The following EML2 variants were observed in gnomAD, a reference collection of about 807,000 sequenced individuals.
EML2 encodes the protein echinoderm microtubule-associated protein-like 2.
EML2 carries 59 observed loss-of-function variants against 84.7 expected under a neutral mutation model. The observed-to-expected ratio is 0.70, with a 90% CI of 0.56 to 0.86. EML2 has a LOEUF of 0.86. EML2 is among the 40% of genes least tolerant of loss of function. EML2 has a pLI of 0.00. For missense variants in EML2, 818 were observed against 855.6 expected (o/e 0.96, Z 0.55); for synonymous variants, 352 against 348.9 (o/e 1.01, Z -0.10).
chr19:45,631,589 G>T (rs973029488), intron 6 of EML2, among the ~76,000 whole-genome samples: 2 of 151,808 alleles, frequency 1.3e-5, no homozygotes, highest in Admixed American at 1.3e-4. Flanking sequence ...TATATTTTTA[G>T]TAGAGATGGG....
chr19:45,645,536 C>T (rs1451767985), upstream of EML2: 2 of 1,186,344 alleles, frequency 1.7e-6, no homozygotes, highest in African/African-American at 1.6e-5. Flanking sequence ...GTCGGGACAC[C>T]GCCTGCCAAG....
intron 3 of EML2, among the ~76,000 whole-genome samples, chr19:45,638,284 C>T (rs1974010270): frequency 6.6e-6 from 1 of 152,204 alleles, no homozygotes; most frequent in African/African-American, 2.4e-5. Flanking sequence ...GGGCTTCCAG[C>T]CATTCCCAAC....
intron 15 of EML2, chr19:45,616,129 A>G (rs1355569722): frequency 1.8e-6 from 1 of 566,774 alleles, no homozygotes; most frequent in African/African-American, 1.9e-5. Context: ...GGAGTTTAGA[A>G]CAGGTGGGCA....
In EML2 at chr19:45,611,708, G is replaced by A. The variant is rs565924355; in HGVS notation, c.1824+1833C>T. Among the ~76,000 whole-genome samples, 9 of 152,098 alleles carry A rather than the reference G, an allele frequency of 5.9e-5. No homozygotes were observed. The South Asian group carries it at 1.2e-3, about 21-fold the overall frequency. On this transcript the variant is annotated intron_variant, in intron 18 of 18. Coordinates refer to ENST00000245925, the MANE Select transcript of EML2 (RefSeq NM_012155.4). ...TCACCATGTTGGCCAGGCTAGTCTC[G>A]AACTGTTGACCTCAGGTGATCCGCC...
At chr19:45,633,397 T>C (rs1027570236) in intron 4 of EML2, among the ~76,000 whole-genome samples, 3 of 151,684 alleles carry the variant, frequency 2.0e-5, no homozygotes, top group African/African-American at 7.3e-5. Context: ...AGCACACTTA[T>C]TTAAGGGGGC....
chr19:45,645,285 G>A (rs772902964), upstream of EML2: 335 of 1,533,406 alleles, frequency 2.2e-4, 1 homozygote, highest in Non-Finnish European at 4.0e-5. Flanking sequence ...TTGCAGTATC[G>A]CAGCAGCGAG....
chr19:45,639,397 C>T lies in EML2; in HGVS notation c.-21G>A. 8.0e-7 allele frequency: 1 copy of T among 1,247,064 alleles called. No individual in the cohort carries two copies. Among genetic ancestry groups the T allele is most frequent in the Non-Finnish European group, 1.0e-6 (1 of 988,156 alleles). The allele number at this position is 1,247,064 out of a possible 1,614,324, so 77.2% of individuals were successfully genotyped here. ...CTCATGGCGGCGGGTGGCGGAGCTT[C>T]GGGGCCGGGGGTGGAGCCGGGACCG... On this transcript the variant is annotated 5_prime_UTR_variant, in exon 1 of 19. Transcript: ENST00000245925.
chr19:45,610,058 C>T (rs1970326765), intron 18 of EML2, among the ~76,000 whole-genome samples: 1 of 152,146 alleles, frequency 6.6e-6, no homozygotes, highest in Admixed American at 6.5e-5. Context: ...CCTTTTATAG[C>T]AATGGGGTGT....
At chr19:45,614,773 A>G (rs1309861890) in intron 16 of EML2, 73 bp from the exon 17 acceptor site, 10 of 1,269,742 alleles carry the variant, frequency 7.9e-6, no homozygotes, top group Admixed American at 5.1e-5. Flanking sequence ...TTCTTAGACA[A>G]TCGGAGCTGA....
upstream of EML2, among the ~76,000 whole-genome samples, chr19:45,644,109 C>T (rs1014286563): frequency 6.6e-6 from 1 of 152,206 alleles, no homozygotes; most frequent in African/African-American, 2.4e-5. Context: ...CTTACATGTG[C>T]CAGGCACTGC....
chr19:45,616,912 C>T (rs1012931981), intron 13 of EML2, 59 bp from the exon 14 acceptor site: 16 of 1,312,126 alleles, frequency 1.2e-5, no homozygotes, highest in Non-Finnish European at 1.6e-5. Flanking sequence ...AGAGAGAGGC[C>T]GCAATCTGTG....
At chr19:45,634,538 TTTA>T in intron 3 of EML2, 67 bp from the exon 4 acceptor site, 1 of 1,165,232 alleles carries the variant, frequency 8.6e-7, no homozygotes, top group Non-Finnish European at 1.1e-6. Flanking sequence ...TTTGTTTTTA[TTTA>T]TTTATTTATT....
chr19:45,630,958 G>A (rs895805750), intron 6 of EML2, among the ~76,000 whole-genome samples: 4 of 152,176 alleles, frequency 2.6e-5, no homozygotes, highest in African/African-American at 4.8e-5. Context: ...AGGTTCAAGC[G>A]ATTCTCCTGT....
chr19:45,609,531 G>T lies in EML2; in HGVS notation c.*132C>A. 1 of 978,920 alleles carries T rather than the reference G, an allele frequency of 1.0e-6. No homozygotes were observed. Among genetic ancestry groups the T allele is most frequent in the Non-Finnish European group, 1.4e-6 (1 of 729,540 alleles). The allele number at this position is 978,920 out of a possible 1,614,324, so 60.6% of individuals were successfully genotyped here. A position where few individuals can be genotyped will look rare whatever the true frequency, so the allele number is the denominator to read the frequency against. Reference sequence around the variant, plus strand: ...CCCGGATAAATAGAGACTTCTGTATGTCAGTCTACCCTCCCGCCCCCATAA... The same window carrying T: ...CCCGGATAAATAGAGACTTCTGTATTTCAGTCTACCCTCCCGCCCCCATAA... On this transcript the variant is annotated 3_prime_UTR_variant, in exon 19 of 19. Transcript: ENST00000245925.
intron 8 of EML2, among the ~76,000 whole-genome samples, chr19:45,626,071 C>T (rs1972280271): frequency 6.6e-6 from 1 of 151,500 alleles, no homozygotes; most frequent in African/African-American, 2.4e-5. Flanking sequence ...GATATGAGGT[C>T]TCTCCATGTT....
chr19:45,630,468 G>T (rs552736953), intron 6 of EML2, among the ~76,000 whole-genome samples: 1 of 150,124 alleles, frequency 6.7e-6, no homozygotes, highest in East Asian at 2.0e-4. Context: ...CAGGAGAATC[G>T]CTTGAACTGG....
At chr19:45,616,727 T>G (rs1353102254) in intron 14 of EML2, 38 bp downstream of exon 14, 1 of 1,584,942 alleles carries the variant, frequency 6.3e-7, no homozygotes, top group South Asian at 1.1e-5. Flanking sequence ...CTCTGTCCCC[T>G]GGCCCTGCCG....
At chr19:45,641,793 A>C, upstream of EML2, 1 of 1,529,656 alleles carries the variant, frequency 6.5e-7, no homozygotes, top group Non-Finnish European at 8.8e-7. Context: ...CTAGGCCAGC[A>C]GGCGAGTGCC....
chr19:45,631,267 T>A (rs1452161202), intron 6 of EML2, among the ~76,000 whole-genome samples: 1 of 152,170 alleles, frequency 6.6e-6, no homozygotes, highest in African/African-American at 2.4e-5. Flanking sequence ...TCTTAAATGT[T>A]TCTTTAGGCC....
Sources: gnomAD v4.1 joint callset for allele counts (sites outside exome capture counted in the v4.1 genomes callset) on GRCh38, gnomAD v4.1.1 for gene constraint, MANE v1.5 for transcripts, NCBI Gene and HGNC (gene_info 2026-07-23, HGNC 2026-07-21) for gene names.